STK32B: variants seen among roughly 807,000 people sequenced by gnomAD.
STK32B encodes serine/threonine-protein kinase 32B.
Under a neutral mutation model 52.6 loss-of-function variants are expected in STK32B, and 43 were observed. The observed-to-expected ratio is 0.82, with a 90% CI of 0.64 to 1.05. The LOEUF (loss-of-function observed/expected upper bound fraction) is 1.05. Among genes scored for constraint, STK32B ranks in the 50% least tolerant of loss-of-function variants. The pLI, the probability that STK32B is intolerant of heterozygous loss-of-function variation, is 0.00. For missense variants in STK32B, 621 were observed against 534.6 expected (o/e 1.16, Z -1.59); for synonymous variants, 238 against 204.3 (o/e 1.17, Z -1.41).
chr4:5,479,772 AATTACCATT>A (rs1343063892), intron 11 of STK32B, among the ~76,000 whole-genome samples: 1 of 152,140 alleles, frequency 6.6e-6, no homozygotes, highest in Non-Finnish European at 1.5e-5. Context: ...TTTCCAACTC[AATTACCATT>A]ATTCAATTTG....
intron 11 of STK32B, among the ~76,000 whole-genome samples, chr4:5,473,621 T>C (rs965692110): frequency 3.9e-5 from 6 of 152,154 alleles, no homozygotes; most frequent in Non-Finnish European, 5.9e-5. Context: ...ACATTAAATG[T>C]TGGGCAAGGA....
chr4:5,437,938 G>A lies in STK32B; in HGVS notation c.563-8735G>A, dbSNP rs189701541. 82 of 985,486 alleles carry A rather than the reference G, an allele frequency of 8.3e-5. No individual in the cohort carries two copies. In the African/African-American group the frequency reaches 1.2e-3, roughly 14 times the overall value. 61.0% of individuals were successfully genotyped at this position (985,486 alleles called of 1,614,324 possible). ...TTGTGTTCTACCATCAGCTCCAAGT[G>A]TGTGGGGGAGGAGGGAATGTCACCT... is the stretch of plus-strand genomic sequence containing the variant. On this transcript the variant is annotated intron_variant, in intron 6 of 11. Coordinates refer to ENST00000282908, the MANE Select transcript of STK32B (RefSeq NM_018401.3).
rs1716970451 is a variant in STK32B at position 5,460,811 on chromosome 4, G to A, written c.909+583G>A. Among the ~76,000 whole-genome samples, 2 of 152,182 alleles carry A rather than the reference G, an allele frequency of 1.3e-5. No homozygotes were observed. The highest frequency in any genetic ancestry group is 4.8e-5 in the African/African-American group (2 of 41,444). Reference sequence around the variant, plus strand: ...AAAGAACAATTTTATAGCATTTAAGGGAATAAACCAGAGGGAATATAATAG... The same window carrying A: ...AAAGAACAATTTTATAGCATTTAAGAGAATAAACCAGAGGGAATATAATAG... On this transcript the variant is annotated intron_variant, in intron 9 of 11. Coordinates refer to ENST00000282908, the MANE Select transcript of STK32B (RefSeq NM_018401.3). This position sits in a 1 kb window ranked among gnomAD's most constrained non-coding sequence, Gnocchi z 4.8.
At chr4:5,148,831 A>G (rs1717120375) in intron 2 of STK32B, among the ~76,000 whole-genome samples, 1 of 151,816 alleles carries the variant, frequency 6.6e-6, no homozygotes, top group Non-Finnish European at 1.5e-5. Context: ...TAAAATATCC[A>G]ACTATGATTG....
intron 3 of STK32B, among the ~76,000 whole-genome samples, chr4:5,244,035 T>A (rs74390099): frequency 0.26 from 38,655 of 150,990 alleles, 6,057 homozygotes; most frequent in African/African-American, 0.43. Flanking sequence ...TTGGTCTAAA[T>A]TTCTCTTTTT....
rs1312614701 is a variant in STK32B, at chr4:5,467,685, C to T, written c.1042-321C>T. ...CCCCTGGCATCATGGTTGTGAATTT[C>T]TGGTTTTCCATGCCCCTCACGTGGG... On this transcript the variant is annotated intron_variant, in intron 10 of 11. Coordinates refer to ENST00000282908, the MANE Select transcript of STK32B (RefSeq NM_018401.3). The surrounding 1 kb of genome is among the most constrained non-coding windows in gnomAD (Gnocchi z 5.8). 6.6e-6 allele frequency among the ~76,000 whole-genome samples: 1 copy of T among 152,182 alleles called. No homozygotes were observed. The highest frequency in any genetic ancestry group is 1.5e-5 in the Non-Finnish European group (1 of 68,040).
At chr4:5,148,823 A>G (rs1560178131) in intron 2 of STK32B, among the ~76,000 whole-genome samples, 3 of 151,812 alleles carry the variant, frequency 2.0e-5, no homozygotes, top group South Asian at 2.1e-4. Flanking sequence ...CAGTTGTGTA[A>G]AATATCCAAC....
At chr4:5,194,405 C>T (rs1001386484) in intron 3 of STK32B, among the ~76,000 whole-genome samples, 2 of 152,234 alleles carry the variant, frequency 1.3e-5, no homozygotes, top group South Asian at 2.1e-4. Context: ...TCTCATTGGG[C>T]GGAGATTCTC....
chr4:5,253,424 G>A (rs1430409900), intron 3 of STK32B, among the ~76,000 whole-genome samples: 1 of 152,108 alleles, frequency 6.6e-6, no homozygotes, highest in Non-Finnish European at 1.5e-5. Context: ...ACCCAGACTG[G>A]AGTGCAGTGG....
chr4:5,241,312 T>A (rs75495921), intron 3 of STK32B, among the ~76,000 whole-genome samples: 1 of 152,194 alleles, frequency 6.6e-6, no homozygotes, highest in Non-Finnish European at 1.5e-5. Context: ...AATAAAAAGA[T>A]TTGAGGATCG....
intron 9 of STK32B, among the ~76,000 whole-genome samples, chr4:5,464,460 A>G (rs1717280154): frequency 6.6e-6 from 1 of 152,208 alleles, no homozygotes; most frequent in African/African-American, 2.4e-5. Flanking sequence ...TGCGCCTGCC[A>G]TCCTGCTGGG....
chr4:5,129,778 C>A (rs1229520780), intron 1 of STK32B, among the ~76,000 whole-genome samples: 3 of 152,156 alleles, frequency 2.0e-5, no homozygotes, highest in Non-Finnish European at 4.4e-5. Flanking sequence ...CTGAAGATAT[C>A]CTTAACTCCC....
chr4:5,432,237 G>T (rs1713649380), intron 6 of STK32B: 1 of 152,202 alleles, frequency 6.6e-6, no homozygotes. Context: ...AGAACTCTGT[G>T]ACTTAAGTTC....
At position 5,278,167 on chromosome 4, in the gene STK32B, A is replaced by T. The variant is rs138338328; in HGVS notation, c.261-53053A>T. 1.4e-4 allele frequency among the ~76,000 whole-genome samples: 22 copies of T among 152,330 alleles called. No homozygotes were observed. In the East Asian group the frequency reaches 4.1e-3, roughly 28 times the overall value. ...TGGCAAGGTGATGGGCTAGTCTATG[A>T]CATGAAGAGCCTCTCAGTAAAATTG... On this transcript the variant is annotated intron_variant, in intron 3 of 11. Coordinates refer to ENST00000282908, the MANE Select transcript of STK32B (RefSeq NM_018401.3).
chr4:5,034,011 A>C, the STK32B span, among the ~76,000 whole-genome samples: 1 of 152,218 alleles, frequency 6.6e-6, no homozygotes, highest in African/African-American at 2.4e-5. Context: ...GAGGCCCTAA[A>C]CATGGTATAA....
intron 3 of STK32B, among the ~76,000 whole-genome samples, chr4:5,307,436 CT>C (rs1416570846): frequency 6.6e-6 from 1 of 151,962 alleles, no homozygotes; most frequent in African/African-American, 2.4e-5. Context: ...ATTTCTGAGA[CT>C]TTCCAGTGCA....
At chr4:5,187,885 G>A (rs1449235755) in intron 3 of STK32B, among the ~76,000 whole-genome samples, 1 of 152,154 alleles carries the variant, frequency 6.6e-6, no homozygotes, top group Non-Finnish European at 1.5e-5. Context: ...ATGAGTAAGT[G>A]ATGGATGCTA....
Position 5,469,131 on chromosome 4 carries a change from A to C in STK32B, c.1106+1061A>C, listed in dbSNP as rs1197135808. On this transcript the variant is annotated intron_variant, in intron 11 of 11. Coordinates refer to ENST00000282908, the MANE Select transcript of STK32B (RefSeq NM_018401.3). This position sits in a 1 kb window ranked among gnomAD's most constrained non-coding sequence, Gnocchi z 4.7. ...GCTGGGGCTCCAGCAGGGGCAGCCGATGAGCCCCATTGGACCCACACTAAG... is the reference window on the plus strand; with the variant it reads ...GCTGGGGCTCCAGCAGGGGCAGCCGCTGAGCCCCATTGGACCCACACTAAG... Among the ~76,000 whole-genome samples the C allele has an allele frequency of 1.3e-5, 2 of 151,974 alleles. No individual in the cohort carries two copies. The highest frequency in any genetic ancestry group is 2.9e-5 in the Non-Finnish European group (2 of 68,026).
chr4:5,174,533 A>G (rs1296495794), intron 3 of STK32B, among the ~76,000 whole-genome samples: 1 of 152,144 alleles, frequency 6.6e-6, no homozygotes, highest in Non-Finnish European at 1.5e-5. Flanking sequence ...TTTGTCTGTG[A>G]ATTATTTTAT....
Sources: gnomAD v4.1 joint callset for allele counts (sites outside exome capture counted in the v4.1 genomes callset) on GRCh38, gnomAD v4.1.1 for gene constraint, Gnocchi (gnomAD v3.1) non-coding constraint, MANE v1.5 for transcripts, NCBI Gene and HGNC (gene_info 2026-07-23, HGNC 2026-07-21) for gene names.